Variants in SLC24A3 observed in about 807,000 individuals in gnomAD.
The protein encoded by SLC24A3 is sodium/potassium/calcium exchanger 3.
SLC24A3 carries 28 observed loss-of-function variants against 75.8 expected under a neutral mutation model. That is an observed-to-expected ratio of 0.37 (90% confidence interval 0.27 to 0.51). SLC24A3 has a LOEUF of 0.51. Ranked by LOEUF, SLC24A3 falls within the 20% of genes least tolerant of loss-of-function variation. The pLI, the probability that SLC24A3 is intolerant of heterozygous loss-of-function variation, is 0.94. For missense variants in SLC24A3, 663 were observed against 847.8 expected (o/e 0.78, Z 2.71); for synonymous variants, 372 against 334.1 (o/e 1.11, Z -1.24).
chr20:19,558,915 G>A lies in SLC24A3; in HGVS notation c.349-21085G>A, dbSNP rs144212706. 2.1e-4 allele frequency among the ~76,000 whole-genome samples: 32 copies of A among 152,274 alleles called. No individual in the cohort carries two copies. In the East Asian group the frequency reaches 6.2e-3, roughly 29 times the overall value. On this transcript the variant is annotated intron_variant, in intron 3 of 16. Coordinates refer to ENST00000328041, the MANE Select transcript of SLC24A3 (RefSeq NM_020689.4). ...TAAACATCTGGATTGCTCCTGGTTT[G>A]GGGGTATTATGAATAAAGCTGTTAT...
chr20:19,627,962 C>T (rs1568677661), intron 6 of SLC24A3, among the ~76,000 whole-genome samples: 1 of 151,946 alleles, frequency 6.6e-6, no homozygotes. Flanking sequence ...CTTTGGGAGG[C>T]TGAGGCGGGC....
At chr20:19,346,248 A>G (rs1342384039) in intron 2 of SLC24A3, among the ~76,000 whole-genome samples, 5 of 114,158 alleles carry the variant, frequency 4.4e-5, no homozygotes, top group African/African-American at 1.3e-4. Flanking sequence ...TATATGGTGT[A>G]TATATATATG....
At chr20:19,517,845 A>C (rs1459414393) in intron 3 of SLC24A3, among the ~76,000 whole-genome samples, 2 of 152,204 alleles carry the variant, frequency 1.3e-5, no homozygotes, top group South Asian at 4.1e-4. Context: ...CCTGTGTCCA[A>C]CGTGAGGCCA....
At chr20:19,715,849 C>T (rs893069234) in intron 15 of SLC24A3, among the ~76,000 whole-genome samples, 9 of 152,204 alleles carry the variant, frequency 5.9e-5, no homozygotes, top group African/African-American at 1.4e-4. Flanking sequence ...TTCCCAAGAA[C>T]GTAGAGAAGC....
At chr20:19,354,360 A>G (rs1985633815) in intron 2 of SLC24A3, among the ~76,000 whole-genome samples, 1 of 152,214 alleles carries the variant, frequency 6.6e-6, no homozygotes, top group Admixed American at 6.5e-5. Flanking sequence ...ACGAGGCAAT[A>G]GGAGCAGAAA....
At chr20:19,538,219 T>C (rs2030435169) in intron 3 of SLC24A3, among the ~76,000 whole-genome samples, 1 of 152,102 alleles carries the variant, frequency 6.6e-6, no homozygotes, top group Non-Finnish European at 1.5e-5. Context: ...GCTAGACATG[T>C]TTCTCAGGAT....
chr20:19,330,781 C>G (rs1984979906), intron 2 of SLC24A3, among the ~76,000 whole-genome samples: 1 of 152,186 alleles, frequency 6.6e-6, no homozygotes, highest in Admixed American at 6.5e-5. Flanking sequence ...TCAAATGCCT[C>G]TCATAAGTGT....
intron 2 of SLC24A3, among the ~76,000 whole-genome samples, chr20:19,449,611 G>C (rs1987446927): frequency 1.3e-5 from 2 of 152,304 alleles, no homozygotes; most frequent in South Asian, 4.1e-4. Flanking sequence ...TCCTCTCTTT[G>C]AGCTTGAACA....
At chr20:19,500,883 A>T (rs1020246107) in intron 2 of SLC24A3, among the ~76,000 whole-genome samples, 5 of 152,234 alleles carry the variant, frequency 3.3e-5, no homozygotes. Context: ...AATTTGTCCT[A>T]GCTCATGACT....
At chr20:19,291,116 G>A (rs1174939041) in intron 2 of SLC24A3, among the ~76,000 whole-genome samples, 1 of 150,972 alleles carries the variant, frequency 6.6e-6, no homozygotes, top group East Asian at 1.9e-4. Flanking sequence ...CAGAAGCCAG[G>A]GCTGGCCGAG....
chr20:19,467,608 T>C lies in SLC24A3; in HGVS notation c.272-47880T>C, dbSNP rs144773980. On this transcript the variant is annotated intron_variant, in intron 2 of 16. Coordinates refer to ENST00000328041, the MANE Select transcript of SLC24A3 (RefSeq NM_020689.4). ...AAAATGAGCCCTTTGAGGCTAGGCA[T>C]GGTGGCTCATGCCTGTAATCCTAGC... 2.0e-3 allele frequency among the ~76,000 whole-genome samples: 306 copies of C among 152,244 alleles called. 1 individual carries two copies. Among genetic ancestry groups the C allele is most frequent in the African/African-American group, 7.0e-3 (290 of 41,550 alleles).
chr20:19,484,572 T>A (rs1362938800), intron 2 of SLC24A3, among the ~76,000 whole-genome samples: 1 of 152,176 alleles, frequency 6.6e-6, no homozygotes, highest in African/African-American at 2.4e-5. Context: ...TTATGCTAAG[T>A]GAAATAAACC....
chr20:19,387,642 T>A (rs1005101485), intron 2 of SLC24A3, among the ~76,000 whole-genome samples: 3 of 152,198 alleles, frequency 2.0e-5, no homozygotes, highest in Non-Finnish European at 4.4e-5. Flanking sequence ...TTTTTTCCTG[T>A]TTTTGAATTT....
intron 3 of SLC24A3, among the ~76,000 whole-genome samples, chr20:19,577,220 A>G (rs544845344): frequency 2.4e-4 from 36 of 152,046 alleles, no homozygotes; most frequent in Admixed American, 2.0e-3. Context: ...ACGCGCAGCT[A>G]ATTTTTTTGT....
intron 7 of SLC24A3, among the ~76,000 whole-genome samples, chr20:19,658,040 G>C (rs546185534): frequency 2.0e-5 from 3 of 152,308 alleles, no homozygotes; most frequent in South Asian, 4.1e-4. Context: ...CAGAAGGCGT[G>C]TAACTGTCGG....
intron 2 of SLC24A3, among the ~76,000 whole-genome samples, chr20:19,312,280 C>A (rs540407981): frequency 6.6e-6 from 1 of 152,120 alleles, no homozygotes; most frequent in Non-Finnish European, 1.5e-5. Flanking sequence ...CAGACTTCAT[C>A]GGTGGGTAGC....
intron 2 of SLC24A3, among the ~76,000 whole-genome samples, chr20:19,384,899 A>C (rs187066391): frequency 2.3e-3 from 352 of 152,138 alleles, no homozygotes; most frequent in Non-Finnish European, 3.3e-3. Context: ...ACTATCTCTT[A>C]GTTTGCGTTT....
chr20:19,707,739 G>A (rs1285229362), intron 15 of SLC24A3, among the ~76,000 whole-genome samples: 2 of 152,236 alleles, frequency 1.3e-5, no homozygotes, highest in African/African-American at 2.4e-5. Context: ...TAAGTGTATT[G>A]TGATGCCATT....
chr20:19,426,722 T>G (rs16980529), intron 2 of SLC24A3, among the ~76,000 whole-genome samples: 5,155 of 152,250 alleles, frequency 0.034, 262 homozygotes, highest in African/African-American at 0.11. Context: ...CTGTACCATT[T>G]GAGTTTGTAT....
Sources: allele counts gnomAD v4.1 joint callset (sites outside exome capture counted in the v4.1 genomes callset), GRCh38; gene constraint gnomAD v4.1.1; transcripts MANE v1.5; gene names NCBI Gene and HGNC (gene_info 2026-07-23, HGNC 2026-07-21).